The following GBE1 variants were observed in gnomAD, a reference collection of about 807,000 sequenced individuals.
The protein encoded by GBE1 is 1,4-alpha-glucan-branching enzyme.
In GBE1, 70 loss-of-function variants were observed where a neutral mutation model predicts 88.8. The observed-to-expected ratio is 0.79, with a 90% CI of 0.65 to 0.96. The LOEUF is 0.96. Ranked by LOEUF, GBE1 falls within the 40% of genes least tolerant of loss-of-function variation. The pLI, the probability that GBE1 is intolerant of heterozygous loss-of-function variation, is 0.00. For synonymous variants in GBE1, 284 were observed against 300.1 expected (o/e 0.95, Z 0.56); for missense variants, 872 against 871.0 (o/e 1.00, Z -0.01).
intron 10 of GBE1, 41 bp downstream of exon 10, chr3:81,586,051 C>T: frequency 9.3e-7 from 1 of 1,074,244 alleles, no homozygotes; most frequent in East Asian, 2.4e-5. Flanking sequence ...TGAAGCAACA[C>T]AGTATTCACA....
chr3:81,663,104 T>C (rs1156906537), intron 3 of GBE1, among the ~76,000 whole-genome samples: 1 of 152,106 alleles, frequency 6.6e-6, no homozygotes, highest in Non-Finnish European at 1.5e-5. Flanking sequence ...CTTTAAATAA[T>C]ACAGAAGAGG....
At chr3:81,639,745 G>A (rs1391726771) in intron 7 of GBE1, among the ~76,000 whole-genome samples, 1 of 152,128 alleles carries the variant, frequency 6.6e-6, no homozygotes, top group Non-Finnish European at 1.5e-5. Context: ...AGCCCAAGTT[G>A]TCTGTGGAGT....
In GBE1 at chr3:81,630,691, T is replaced by C. The variant is rs563036799; in HGVS notation, c.992+12090A>G. Among the ~76,000 whole-genome samples the C allele has an allele frequency of 3.3e-5, 5 of 152,228 alleles. No homozygotes were observed. In the East Asian group the frequency reaches 9.7e-4, roughly 29 times the overall value. On this transcript the variant is annotated intron_variant, in intron 7 of 15. Transcript: ENST00000429644. ...ATTGAGATGTGCCCTAAGTGTAAAATACACACCAAATTTCCAAAACGTAAT... is the reference window on the plus strand; with the variant it reads ...ATTGAGATGTGCCCTAAGTGTAAAACACACACCAAATTTCCAAAACGTAAT...
chr3:81,498,033 A>G lies in GBE1; in HGVS notation c.2052+1077T>C, dbSNP rs189231731. Among the ~76,000 whole-genome samples, 7 of 152,258 alleles carry G rather than the reference A, an allele frequency of 4.6e-5. No homozygotes were observed. In the East Asian group the frequency reaches 1.4e-3, roughly 29 times the overall value. On this transcript the variant is annotated intron_variant, in intron 15 of 15. Coordinates refer to ENST00000429644, the MANE Select transcript of GBE1 (RefSeq NM_000158.4). Reference sequence around the variant, plus strand: ...AAGCTGTATCAGTGTCATCATCAACATACACCCATATGCACACACATACAT... The same window carrying G: ...AAGCTGTATCAGTGTCATCATCAACGTACACCCATATGCACACACATACAT...
chr3:81,703,375 T>C (rs1705727227), intron 2 of GBE1, among the ~76,000 whole-genome samples: 1 of 152,022 alleles, frequency 6.6e-6, no homozygotes, highest in African/African-American at 2.4e-5. Context: ...CATGAAATTT[T>C]CTAACAACTC....
intron 3 of GBE1, among the ~76,000 whole-genome samples, chr3:81,657,137 A>AAG (rs1553689267): frequency 6.6e-6 from 1 of 150,820 alleles, no homozygotes; most frequent in East Asian, 1.9e-4. Context: ...GCCGTCTCAA[A>AAG]AAAAAAAAAA....
chr3:81,667,675 A>G (rs1705132203), intron 3 of GBE1, among the ~76,000 whole-genome samples: 1 of 152,188 alleles, frequency 6.6e-6, no homozygotes, highest in African/African-American at 2.4e-5. Context: ...AATTTTATCA[A>G]AAGTCTTTTC....
chr3:81,619,973 CAT>C (rs1323117663), intron 7 of GBE1, among the ~76,000 whole-genome samples: 1 of 151,708 alleles, frequency 6.6e-6, no homozygotes, highest in Non-Finnish European at 1.5e-5. Flanking sequence ...CATTAAAAAA[CAT>C]ATACATTTAT....
chr3:81,736,820 A>G (rs1331023633), intron 1 of GBE1, among the ~76,000 whole-genome samples: 1 of 152,154 alleles, frequency 6.6e-6, no homozygotes, highest in African/African-American at 2.4e-5. Flanking sequence ...CTGCCTCTCA[A>G]CGACTTGAAA....
chr3:81,643,422 T>C (rs1339098118), intron 6 of GBE1, among the ~76,000 whole-genome samples: 1 of 152,098 alleles, frequency 6.6e-6, no homozygotes, highest in Admixed American at 6.6e-5. Context: ...TTATCCCTCC[T>C]GCACTTATTC....
intron 2 of GBE1, among the ~76,000 whole-genome samples, chr3:81,703,688 C>T (rs938437750): frequency 6.6e-6 from 1 of 151,846 alleles, no homozygotes; most frequent in African/African-American, 2.4e-5. Context: ...GCAGTCTGCC[C>T]TCAAGTTGCA....
At chr3:81,737,373 ATATTTTTATATATATT>A (rs1706277914) in intron 1 of GBE1, among the ~76,000 whole-genome samples, 4 of 32,054 alleles carry the variant, frequency 1.2e-4, no homozygotes, top group Admixed American at 2.7e-4. Context: ...ATATTTATAT[ATATTTTTATATATATT>A]TATATAAATA....
chr3:81,499,064 A>T, intron 15 of GBE1, 46 bp downstream of exon 15: 6 of 939,384 alleles, frequency 6.4e-6, no homozygotes, highest in Non-Finnish European at 8.3e-6. Flanking sequence ...ACTATAATAA[A>T]AGAGTAAATT....
intron 3 of GBE1, among the ~76,000 whole-genome samples, chr3:81,662,284 G>A (rs905309495): frequency 1.3e-5 from 2 of 151,980 alleles, no homozygotes; most frequent in Non-Finnish European, 2.9e-5. Context: ...CACCCGCCTC[G>A]GCTTCCCAAA....
chr3:81,524,313 T>A (rs1421089462), intron 14 of GBE1, among the ~76,000 whole-genome samples: 2 of 151,858 alleles, frequency 1.3e-5, no homozygotes, highest in African/African-American at 4.8e-5. Context: ...TATATTCAGA[T>A]CTTCTGCCCA....
At chr3:81,651,319 ACTTCT>A (rs1302218212) in intron 3 of GBE1, among the ~76,000 whole-genome samples, 1 of 152,182 alleles carries the variant, frequency 6.6e-6, no homozygotes, top group Non-Finnish European at 1.5e-5. Context: ...TCTAATACTC[ACTTCT>A]CTTCTCTGAA....
Position 81,599,123 on chromosome 3 carries a change from T to C in GBE1, c.993-5100A>G, listed in dbSNP as rs546320547. 1.1e-4 allele frequency among the ~76,000 whole-genome samples: 16 copies of C among 152,304 alleles called. No individual in the cohort carries two copies. In the South Asian group the frequency reaches 3.3e-3, roughly 32 times the overall value. The stretch of plus-strand genomic sequence containing the variant: ...AGGAAATAAGTAGAAAAGGATGATA[T>C]GGTGCTTTTAAGGCTAAATGATTCC... On this transcript the variant is annotated intron_variant, in intron 7 of 15. Coordinates refer to ENST00000429644, the MANE Select transcript of GBE1 (RefSeq NM_000158.4).
chr3:81,744,142 A>G (rs555171122), intron 1 of GBE1, among the ~76,000 whole-genome samples: 2 of 152,134 alleles, frequency 1.3e-5, no homozygotes, highest in East Asian at 3.9e-4. Context: ...ACCCACCTGC[A>G]CTGTCTAATA....
At chr3:81,597,509 C>T (rs1163416686) in intron 7 of GBE1, among the ~76,000 whole-genome samples, 7 of 143,578 alleles carry the variant, frequency 4.9e-5, no homozygotes, top group Non-Finnish European at 1.5e-5. Flanking sequence ...ATATATATCT[C>T]ATTGGTCACA....
Sources: allele counts gnomAD v4.1 joint callset (sites outside exome capture counted in the v4.1 genomes callset), GRCh38; gene constraint gnomAD v4.1.1; transcripts MANE v1.5; gene names NCBI Gene and HGNC (gene_info 2026-07-23, HGNC 2026-07-21).